GIN1: variants seen among roughly 807,000 people sequenced by gnomAD.
GIN1 encodes the protein gypsy retrotransposon integrase-like protein 1.
GIN1 carries 41 observed loss-of-function variants against 51.4 expected under a neutral mutation model. That is an observed-to-expected ratio of 0.80 (90% confidence interval 0.62 to 1.04). The LOEUF is 1.04. Ranked by LOEUF, GIN1 falls within the 50% of genes least tolerant of loss-of-function variation. The probability of loss-of-function intolerance (pLI) is 0.00; values close to 1 mark genes in which losing one functional copy is unlikely to be tolerated. For synonymous variants in GIN1, 222 were observed against 206.5 expected (o/e 1.07, Z -0.64); for missense variants, 610 against 612.4 (o/e 1.00, Z 0.04).
chr5:103,108,855 C>G (rs1787799547), intron 1 of GIN1, 141 bp from the exon 2 acceptor site: 2 of 620,684 alleles, frequency 3.2e-6, no homozygotes, highest in Non-Finnish European at 5.5e-6. Flanking sequence ...AATTGCAGTA[C>G]AGGAAAGGAA....
At chr5:103,116,213 T>C (rs782401825) in intron 1 of GIN1, among the ~76,000 whole-genome samples, 4 of 152,108 alleles carry the variant, frequency 2.6e-5, no homozygotes, top group South Asian at 2.1e-4. Context: ...TTGAAGAATT[T>C]CACATTATTT....
chr5:103,109,770 C>T (rs1787822590), intron 1 of GIN1, among the ~76,000 whole-genome samples: 1 of 151,912 alleles, frequency 6.6e-6, no homozygotes. Flanking sequence ...TGGCTGCATC[C>T]CAAACCAAAC....
Position 103,096,587 on chromosome 5 carries a change from G to C in GIN1, c.1248C>G (p.Ile416Met), listed in dbSNP as rs1787399516. Residue 416 changes from isoleucine (I) to methionine (M), a missense_variant, in exon 7 of 8, where the codon ATC becomes ATG. Transcript: ENST00000399004. Reference sequence around the variant, plus strand: ...TGTAGGGCTTAAGGTGGGACATTTTGATAGGTCTTTTCAGTCTAACCCCAG... The same window carrying C: ...TGTAGGGCTTAAGGTGGGACATTTTCATAGGTCTTTTCAGTCTAACCCCAG... ...DNTGVRLKRP[I>M]KMSHLKPYIR... The C allele has an allele frequency of 1.2e-6, 2 of 1,613,406 alleles. No homozygotes were observed. The highest frequency in any genetic ancestry group is 2.2e-5 in the East Asian group (1 of 44,862).
chr5:103,102,582 T>A (rs1359005174), intron 4 of GIN1: 1 of 152,144 alleles, frequency 6.6e-6, no homozygotes, highest in Non-Finnish European at 1.5e-5. Context: ...GGTCAACAGG[T>A]ACACATTACC....
chr5:103,119,929 C>A (rs1554198284), intron 1 of GIN1, 135 bp downstream of exon 1: 3 of 152,678 alleles, frequency 2.0e-5, no homozygotes, highest in African/African-American at 7.2e-5. Context: ...AAGGCGCTTG[C>A]GCAAAATCTC....
chr5:103,108,870 G>A (rs1445572846), intron 1 of GIN1, among the ~76,000 whole-genome samples, 156 bp from the exon 2 acceptor site: 1 of 151,714 alleles, frequency 6.6e-6, no homozygotes, highest in Admixed American at 6.6e-5. Context: ...AAGGAACAGC[G>A]ATGTATATGA....
intron 7 of GIN1, among the ~76,000 whole-genome samples, chr5:103,089,707 T>C (rs1053396844): frequency 4.6e-5 from 7 of 152,202 alleles, no homozygotes; most frequent in Admixed American, 1.3e-4. Context: ...AAAAGGAAGA[T>C]TAATTGCCTA....
intron 7 of GIN1, among the ~76,000 whole-genome samples, chr5:103,093,175 T>C (rs1787303114): frequency 6.6e-6 from 1 of 152,136 alleles, no homozygotes; most frequent in Non-Finnish European, 1.5e-5. Context: ...CCTGTGAATA[T>C]GTAATCTTAC....
intron 1 of GIN1, among the ~76,000 whole-genome samples, chr5:103,118,362 ATATC>A (rs1788115414): frequency 6.6e-6 from 1 of 151,802 alleles, no homozygotes; most frequent in Admixed American, 6.6e-5. Flanking sequence ...AATTATTATC[ATATC>A]TAAGTATTAT....
intron 7 of GIN1, 52 bp from the exon 8 acceptor site, chr5:103,088,224 T>C (rs1787135626): frequency 1.8e-6 from 2 of 1,084,968 alleles, no homozygotes; most frequent in African/African-American, 3.3e-5. Context: ...ATTAAACATA[T>C]TTTTTAATTA....
chr5:103,108,624 T>C lies in GIN1; in HGVS notation c.84A>G (p.Thr28=). The C allele has an allele frequency of 6.2e-7, 1 of 1,603,862 alleles. No individual in the cohort carries two copies. Among genetic ancestry groups the C allele is most frequent in the East Asian group, 2.2e-5 (1 of 44,732 alleles). The change falls in exon 2 of 8, where the codon ACA becomes ACG. Residue 28 remains threonine, a synonymous_variant. Coordinates refer to ENST00000399004, the MANE Select transcript of GIN1 (RefSeq NM_017676.2). The part of the protein sequence containing the change: ...YKRTGEYHST[T]LPSERSGIRR... ...TTATGCCACTTCTCTCACTTGGCAGTGTAGTTGAATGATATTCACCAGTTC... is the reference window on the plus strand; with the variant it reads ...TTATGCCACTTCTCTCACTTGGCAGCGTAGTTGAATGATATTCACCAGTTC...
In GIN1 at chr5:103,099,981, G is replaced by C. The variant is rs62362866; in HGVS notation, c.640-2200C>G. On this transcript the variant is annotated intron_variant, in intron 4 of 7. Transcript: ENST00000399004. ...GTACTGTCATCGTTATGCTTTCTGTGTAATAGTGAAGCCATTTTAATCACA... is the reference window on the plus strand; with the variant it reads ...GTACTGTCATCGTTATGCTTTCTGTCTAATAGTGAAGCCATTTTAATCACA... Among the ~76,000 whole-genome samples, 3 of 152,130 alleles carry C rather than the reference G, an allele frequency of 2.0e-5. 1 individual carries two copies.
intron 1 of GIN1, among the ~76,000 whole-genome samples, chr5:103,118,010 G>A (rs1264952870): frequency 6.6e-6 from 1 of 152,058 alleles, no homozygotes; most frequent in East Asian, 1.9e-4. Flanking sequence ...CAATAATTTA[G>A]ATTATAAATG....
chr5:103,105,299 C>T (rs1787693715), intron 3 of GIN1, among the ~76,000 whole-genome samples: 1 of 152,038 alleles, frequency 6.6e-6, no homozygotes, highest in Admixed American at 6.6e-5. Context: ...TGAGGGAAGA[C>T]TATACTACCA....
At chr5:103,111,377 TTAA>T (rs1562335708) in intron 1 of GIN1, among the ~76,000 whole-genome samples, 1 of 152,172 alleles carries the variant, frequency 6.6e-6, no homozygotes, top group Non-Finnish European at 1.5e-5. Flanking sequence ...TAGTTTTCCC[TTAA>T]TAGTTTTTGG....
At chr5:103,092,111 G>A (rs1424274646) in intron 7 of GIN1, among the ~76,000 whole-genome samples, 2 of 151,554 alleles carry the variant, frequency 1.3e-5, no homozygotes, top group Admixed American at 1.3e-4. Flanking sequence ...TCAGTCTCCC[G>A]GGCTCAAGTG....
At chr5:103,090,900 A>AACACAC (rs3836842) in intron 7 of GIN1, among the ~76,000 whole-genome samples, 117 of 148,356 alleles carry the variant, frequency 7.9e-4, no homozygotes, top group African/African-American at 2.4e-3. Context: ...GTCACACACG[A>AACACAC]ACACACACAC....
rs782259917 is a variant in GIN1, at chr5:103,097,635, A to G, written c.786T>C (p.Asp262=). Residue 262 remains aspartate, a synonymous_variant, in exon 5 of 8, where the codon GAT becomes GAC. Coordinates refer to ENST00000399004, the MANE Select transcript of GIN1 (RefSeq NM_017676.2). ...KHCADHPNNW[D]DHLSAVSFAF... is the part of the protein sequence containing the mutation. ...CAAATGAAACAGCTGATAGGTGATC[A>G]TCCCAATTGTTTGGGTGGTCAGCAC... 1 of 1,612,420 alleles carries G rather than the reference A, an allele frequency of 6.2e-7. No individual in the cohort carries two copies. The highest frequency in any genetic ancestry group is 8.5e-7 in the Non-Finnish European group (1 of 1,178,596).
intron 4 of GIN1, among the ~76,000 whole-genome samples, chr5:103,101,156 A>G (rs191210393): frequency 6.6e-6 from 1 of 152,358 alleles, no homozygotes; most frequent in Non-Finnish European, 1.5e-5. Context: ...CTTTGGGGGC[A>G]TTCTTAAATA....
Sources: allele counts gnomAD v4.1 joint callset (sites outside exome capture counted in the v4.1 genomes callset), GRCh38; gene constraint gnomAD v4.1.1; transcripts MANE v1.5; gene names NCBI Gene and HGNC (gene_info 2026-07-23, HGNC 2026-07-21).